SRRM4: variants seen among roughly 807,000 people sequenced by gnomAD.
SRRM4 encodes the protein serine/arginine repetitive matrix protein 4.
A neutral mutation model predicts 68.9 loss-of-function variants in SRRM4; 33 were observed. That is an observed-to-expected ratio of 0.48 (90% CI 0.36 to 0.64). The LOEUF (loss-of-function observed/expected upper bound fraction) is 0.64, where lower values mean the gene tolerates loss of function less well. SRRM4 is among the 30% of genes least tolerant of loss of function. The pLI is 0.00. For synonymous variants in SRRM4, 318 were observed against 318.8 expected, an observed-to-expected ratio of 1.00 and a Z score of 0.03; for missense variants, 817 against 827.1, an observed-to-expected ratio of 0.99 and a Z score of 0.15.
rs528904403 is a variant in SRRM4 at position 119,043,403 on chromosome 12, G to T, written c.132-58833G>T. Among the ~76,000 whole-genome samples, 344 of 152,242 alleles carry T rather than the reference G, an allele frequency of 2.3e-3. 2 individuals carry two copies. The highest frequency in any genetic ancestry group is 7.8e-3 in the African/African-American group (324 of 41,538). ...CATACACCTGGGGCCTGTTGGGGAG[G>T]GGGAGGGAGAGCATCAGGATAGCTA... On this transcript the variant is annotated intron_variant, in intron 1 of 12. Coordinates refer to ENST00000267260, the MANE Select transcript of SRRM4 (RefSeq NM_194286.4).
Position 119,043,775 on chromosome 12 carries a change from T to TATACACACAC in SRRM4, c.132-58460_132-58459insTACACACACA, listed in dbSNP as rs375408738. On this transcript the variant is annotated intron_variant, in intron 1 of 12. Coordinates refer to ENST00000267260, the MANE Select transcript of SRRM4 (RefSeq NM_194286.4). ...ACATACACATGCACACATACACGCA[T>TATACACACAC]ACACACACACACACACACACACACA... Among the ~76,000 whole-genome samples the TATACACACAC allele has an allele frequency of 2.8e-5, 4 of 141,664 alleles. No homozygotes were observed. In the East Asian group the frequency reaches 8.5e-4, roughly 30 times the overall value. 92.9% of individuals were successfully genotyped at this position (141,664 alleles called of 152,430 possible).
At chr12:119,038,521 A>G (rs948786098) in intron 1 of SRRM4, among the ~76,000 whole-genome samples, 1 of 152,044 alleles carries the variant, frequency 6.6e-6, no homozygotes, top group Non-Finnish European at 1.5e-5. Flanking sequence ...GAAATTAAAA[A>G]CTTTTACCAA....
chr12:119,140,096 G>A (rs1006054957), intron 8 of SRRM4, among the ~76,000 whole-genome samples: 15 of 152,102 alleles, frequency 9.9e-5, no homozygotes, highest in East Asian at 7.7e-4. Context: ...TAATTCTGCC[G>A]GGTGCAGTGG....
intron 1 of SRRM4, among the ~76,000 whole-genome samples, chr12:119,018,548 TGGG>T (rs1473291394): frequency 1.3e-5 from 2 of 152,204 alleles, no homozygotes; most frequent in Non-Finnish European, 2.9e-5. Context: ...TTTAACTCTT[TGGG>T]TCACAGTTTC....
intron 8 of SRRM4, among the ~76,000 whole-genome samples, chr12:119,140,220 C>CA (rs112869001): frequency 0.069 from 10,395 of 151,636 alleles, 937 homozygotes; most frequent in African/African-American, 0.2. Context: ...ACTAAAAATA[C>CA]AAAAAAAATT....
chr12:119,004,296 C>T (rs1490400671), intron 1 of SRRM4, among the ~76,000 whole-genome samples: 4 of 152,002 alleles, frequency 2.6e-5, no homozygotes, highest in Non-Finnish European at 4.4e-5. Flanking sequence ...GGGTCACAAC[C>T]ATTCTGCTCC....
chr12:119,032,643 G>A (rs1211788329), intron 1 of SRRM4, among the ~76,000 whole-genome samples: 1 of 152,056 alleles, frequency 6.6e-6, no homozygotes, highest in Non-Finnish European at 1.5e-5. Context: ...CAAGATTAGG[G>A]TTATGCTAAT....
At chr12:119,129,312 CAG>C (rs1482919335) in intron 7 of SRRM4, among the ~76,000 whole-genome samples, 8 of 152,190 alleles carry the variant, frequency 5.3e-5, no homozygotes, top group Non-Finnish European at 1.0e-4. Flanking sequence ...ATAAGATATG[CAG>C]AGTCTAAGCA....
chr12:119,140,412 G>A (rs1954357952), intron 8 of SRRM4, among the ~76,000 whole-genome samples: 1 of 150,818 alleles, frequency 6.6e-6, no homozygotes, highest in Non-Finnish European at 1.5e-5. Flanking sequence ...AACTATAGTC[G>A]TCCTGATGTG....
At chr12:119,119,256 T>A (rs1225299925) in intron 4 of SRRM4, among the ~76,000 whole-genome samples, 5 of 151,976 alleles carry the variant, frequency 3.3e-5, no homozygotes, top group South Asian at 2.1e-4. Flanking sequence ...TTAAAATTTT[T>A]AAAAAATGAT....
intron 1 of SRRM4, among the ~76,000 whole-genome samples, chr12:119,007,788 C>T (rs934545882): frequency 3.9e-5 from 6 of 152,136 alleles, no homozygotes; most frequent in African/African-American, 1.4e-4. Context: ...CTCCTGTAAA[C>T]CAGTACAGAC....
chr12:119,137,500 G>T (rs990403822), intron 8 of SRRM4, among the ~76,000 whole-genome samples: 3 of 151,936 alleles, frequency 2.0e-5, no homozygotes, highest in Non-Finnish European at 4.4e-5. Flanking sequence ...GGAGTTCGTG[G>T]TGGGGGGATT....
At chr12:119,138,202 T>C (rs1954342991) in intron 8 of SRRM4, among the ~76,000 whole-genome samples, 1 of 152,160 alleles carries the variant, frequency 6.6e-6, no homozygotes, top group Non-Finnish European at 1.5e-5. Context: ...AAACTGGAAA[T>C]GGGGTTGTTA....
intron 1 of SRRM4, among the ~76,000 whole-genome samples, chr12:119,072,991 A>G (rs1953886834): frequency 6.6e-6 from 1 of 152,180 alleles, no homozygotes; most frequent in African/African-American, 2.4e-5. Context: ...CCAAAAGAGA[A>G]CAGAGAAATG....
At chr12:119,137,506 G>A (rs554995678) in intron 8 of SRRM4, among the ~76,000 whole-genome samples, 1 of 151,770 alleles carries the variant, frequency 6.6e-6, no homozygotes, top group East Asian at 1.9e-4. Context: ...CGTGGTGGGG[G>A]GATTTAACTA....
chr12:119,095,959 CAAA>C (rs34062118), intron 1 of SRRM4, among the ~76,000 whole-genome samples: 64 of 105,928 alleles, frequency 6.0e-4, no homozygotes, highest in East Asian at 9.3e-4. Context: ...GCCTCAGTCT[CAAA>C]AAAAAAAAAA....
chr12:119,000,292 A>G (rs1211048590), intron 1 of SRRM4, among the ~76,000 whole-genome samples: 1 of 152,206 alleles, frequency 6.6e-6, no homozygotes, highest in African/African-American at 2.4e-5. Flanking sequence ...GAGTCGTTTT[A>G]CAGGAGTGAG....
At chr12:118,982,037 G>A in intron 1 of SRRM4, 24 bp downstream of exon 1, 2 of 1,595,586 alleles carry the variant, frequency 1.3e-6, no homozygotes. Flanking sequence ...TCTTAGAAGG[G>A]GGGATCCTGA....
At chr12:119,019,457 C>T (rs183960784) in intron 1 of SRRM4, among the ~76,000 whole-genome samples, 1 of 152,088 alleles carries the variant, frequency 6.6e-6, no homozygotes, top group African/African-American at 2.4e-5. Flanking sequence ...AATTCCCCCC[C>T]TCAAGCATTT....
Sources: gnomAD v4.1 joint callset for allele counts (sites outside exome capture counted in the v4.1 genomes callset) on GRCh38, gnomAD v4.1.1 for gene constraint, MANE v1.5 for transcripts, NCBI Gene and HGNC (gene_info 2026-07-23, HGNC 2026-07-21) for gene names.